The following EMP2 variants were observed in gnomAD, a reference collection of about 807,000 sequenced individuals.
EMP2 encodes epithelial membrane protein 2.
In EMP2, 19 loss-of-function variants were observed where a neutral mutation model predicts 13.7. The observed-to-expected ratio is 1.38, with a 90% CI of 0.97 to 2.03. EMP2 has a LOEUF of 2.03. Ranked by LOEUF, EMP2 falls within the 30% of genes most tolerant of loss-of-function variation. The pLI is 0.00. For missense variants in EMP2, 253 were observed against 220.7 expected (o/e 1.15, Z -0.93); for synonymous variants, 97 against 84.7 (o/e 1.15, Z -0.80).
chr16:10,578,546 C>T (rs1479097952), intron 1 of EMP2, among the ~76,000 whole-genome samples: 1 of 152,204 alleles, frequency 6.6e-6, no homozygotes, highest in African/African-American at 2.4e-5. Context: ...GGGTGCACCC[C>T]CTCCTCCAGC....
At chr16:10,547,833 G>C (rs1165795774) in intron 1 of EMP2, among the ~76,000 whole-genome samples, 156 bp from the exon 2 acceptor site, 1 of 152,074 alleles carries the variant, frequency 6.6e-6, no homozygotes, top group Non-Finnish European at 1.5e-5. Flanking sequence ...AGGAGATTGA[G>C]ACCAGCCCAG....
intron 1 of EMP2, chr16:10,576,801 C>T (rs979992801): frequency 4.6e-5 from 7 of 152,244 alleles, no homozygotes; most frequent in African/African-American, 1.7e-4. Context: ...CCAACAGTGT[C>T]TCTGCACGGG....
At chr16:10,546,137 T>C (rs1487394514) in intron 2 of EMP2, 1 of 152,170 alleles carries the variant, frequency 6.6e-6, no homozygotes, top group Non-Finnish European at 1.5e-5. Flanking sequence ...TGAGATGACA[T>C]GCATAAAAGG....
intron 1 of EMP2, among the ~76,000 whole-genome samples, chr16:10,559,477 C>A (rs1158152665): frequency 6.6e-6 from 1 of 152,218 alleles, no homozygotes; most frequent in African/African-American, 2.4e-5. Flanking sequence ...TGCCCCAGGG[C>A]AGAAGCCACT....
At chr16:10,548,385 T>G (rs2050756116) in intron 1 of EMP2, among the ~76,000 whole-genome samples, 1 of 152,128 alleles carries the variant, frequency 6.6e-6, no homozygotes, top group African/African-American at 2.4e-5. Context: ...CCTAACGATC[T>G]GACCATTTAT....
intron 1 of EMP2, among the ~76,000 whole-genome samples, chr16:10,563,049 G>A (rs1007247268): frequency 6.6e-6 from 1 of 152,148 alleles, no homozygotes; most frequent in South Asian, 2.1e-4. Flanking sequence ...TGAGGCAGGT[G>A]TCAAATGCAG....
At chr16:10,551,188 T>G (rs2050785870) in intron 1 of EMP2, among the ~76,000 whole-genome samples, 1 of 152,158 alleles carries the variant, frequency 6.6e-6, no homozygotes, top group African/African-American at 2.4e-5. Flanking sequence ...TAATATACTT[T>G]CTGTTTCTAT....
intron 3 of EMP2, among the ~76,000 whole-genome samples, chr16:10,542,763 T>C (rs946527412): frequency 6.6e-6 from 1 of 152,244 alleles, no homozygotes; most frequent in Non-Finnish European, 1.5e-5. Flanking sequence ...TCATTATTAC[T>C]TCTGTTCTAC....
intron 2 of EMP2, chr16:10,546,607 G>T (rs1465450309): frequency 6.6e-6 from 1 of 152,208 alleles, no homozygotes; most frequent in Non-Finnish European, 1.5e-5. Flanking sequence ...GGGGGCAGAG[G>T]TCACCTGGGA....
At chr16:10,538,597 C>A (rs541876165) in intron 3 of EMP2, among the ~76,000 whole-genome samples, 2 of 152,242 alleles carry the variant, frequency 1.3e-5, no homozygotes, top group Non-Finnish European at 2.9e-5. Context: ...AGGAGGAAAG[C>A]TCCTTTCTTT....
intron 4 of EMP2, among the ~76,000 whole-genome samples, chr16:10,533,831 G>A (rs1271497088): frequency 1.3e-5 from 2 of 152,000 alleles, no homozygotes; most frequent in African/African-American, 4.8e-5. Flanking sequence ...ATGACTCCCT[G>A]GGCCGGACAC....
rs1281330481 is a variant in EMP2, at chr16:10,532,639, T to C, written c.*266A>G. On this transcript the variant is annotated 3_prime_UTR_variant, in exon 5 of 5. Transcript: ENST00000359543. Reference sequence around the variant, plus strand: ...GATTTGAGCATTGCTGGATTTTTGCTTGTGTCTTGTTGAGACTTTTGAGTG... The same window carrying C: ...GATTTGAGCATTGCTGGATTTTTGCCTGTGTCTTGTTGAGACTTTTGAGTG... The C allele has an allele frequency of 4.3e-6, 1 of 234,302 alleles. No individual in the cohort carries two copies. The highest frequency in any genetic ancestry group is 7.9e-5 in the East Asian group (1 of 12,594). 14.5% of individuals were successfully genotyped at this position (234,302 alleles called of 1,614,324 possible). A position where few individuals can be genotyped will look rare whatever the true frequency, so the allele number is the denominator to read the frequency against.
At chr16:10,567,243 G>A (rs1474926842) in intron 1 of EMP2, among the ~76,000 whole-genome samples, 2 of 152,168 alleles carry the variant, frequency 1.3e-5, no homozygotes, top group East Asian at 3.8e-4. Flanking sequence ...ACAGTGCCTG[G>A]TCCACAGCAG....
Position 10,532,835 on chromosome 16 carries a change from T to A in EMP2, c.*70A>T. ...TTGCTAGAAAAACCTCAAAAAATAA[T>A]GATTATATACAAAATGGTTATCTGA... On this transcript the variant is annotated 3_prime_UTR_variant, in exon 5 of 5. Transcript: ENST00000359543. 1.0e-6 allele frequency: 1 copy of A among 991,160 alleles called. No homozygotes were observed. Among genetic ancestry groups the A allele is most frequent in the Non-Finnish European group, 1.2e-6 (1 of 801,642 alleles). 61.4% of individuals were successfully genotyped at this position (991,160 alleles called of 1,614,324 possible).
intron 1 of EMP2, among the ~76,000 whole-genome samples, chr16:10,566,340 C>A (rs1026671908): frequency 1.3e-5 from 2 of 152,044 alleles, no homozygotes; most frequent in African/African-American, 4.8e-5. Flanking sequence ...AAACAAATAC[C>A]CCCTGCCCCT....
chr16:10,562,631 A>T (rs2050880903), intron 1 of EMP2, among the ~76,000 whole-genome samples: 1 of 152,262 alleles, frequency 6.6e-6, no homozygotes, highest in African/African-American at 2.4e-5. Flanking sequence ...CATGAACAAA[A>T]TCAGTGTTTT....
intron 1 of EMP2, among the ~76,000 whole-genome samples, chr16:10,552,076 T>G (rs2050792512): frequency 6.6e-6 from 1 of 152,056 alleles, no homozygotes; most frequent in Non-Finnish European, 1.5e-5. Context: ...TGCGTCATTC[T>G]TAGCTGCCAC....
intron 1 of EMP2, chr16:10,577,958 AC>A (rs907191735): frequency 9.7e-5 from 5 of 51,608 alleles, no homozygotes; most frequent in Admixed American, 1.7e-4. Flanking sequence ...CCACCCCCCC[AC>A]ACACAATTAT....
chr16:10,567,860 TC>T (rs2050918975), intron 1 of EMP2, among the ~76,000 whole-genome samples: 1 of 152,140 alleles, frequency 6.6e-6, no homozygotes. Flanking sequence ...TTGGAGATAG[TC>T]TCCACCAGAA....
Sources: allele counts gnomAD v4.1 joint callset (sites outside exome capture counted in the v4.1 genomes callset), GRCh38; gene constraint gnomAD v4.1.1; transcripts MANE v1.5; gene names NCBI Gene and HGNC (gene_info 2026-07-23, HGNC 2026-07-21).